The following TRPC6 variants were observed in gnomAD, a reference collection of about 807,000 sequenced individuals.
The protein encoded by TRPC6 is short transient receptor potential channel 6.
TRPC6 carries 55 observed loss-of-function variants against 90.7 expected under a neutral mutation model. The observed-to-expected ratio is 0.61, with a 90% CI of 0.49 to 0.76. TRPC6 has a LOEUF of 0.76. Ranked by LOEUF, TRPC6 falls within the 30% of genes least tolerant of loss-of-function variation. TRPC6 has a pLI of 0.00. For synonymous variants in TRPC6, 393 were observed against 393.0 expected, an observed-to-expected ratio of 1.00 and a Z score of 0.00; for missense variants, 989 against 1,122.7, an observed-to-expected ratio of 0.88 and a Z score of 1.70.
intron 1 of TRPC6, among the ~76,000 whole-genome samples, chr11:101,581,768 G>A (rs1429469673): frequency 1.3e-5 from 2 of 151,954 alleles, no homozygotes; most frequent in African/African-American, 2.4e-5. Context: ...CTATTCAGAG[G>A]GTGGTCCACG....
intron 1 of TRPC6, among the ~76,000 whole-genome samples, chr11:101,575,229 C>T (rs1436816550): frequency 2.0e-5 from 3 of 152,170 alleles, no homozygotes; most frequent in African/African-American, 2.4e-5. Context: ...AAAAGAAAGC[C>T]TTGCCTTTTG....
intron 10 of TRPC6, among the ~76,000 whole-genome samples, chr11:101,461,611 C>T (rs1435455957): frequency 6.6e-6 from 1 of 152,130 alleles, no homozygotes; most frequent in Non-Finnish European, 1.5e-5. Context: ...GAGTTGAATA[C>T]CTTTTGGAGG....
chr11:101,470,447 T>C (rs79606784), intron 9 of TRPC6, among the ~76,000 whole-genome samples: 47 of 152,246 alleles, frequency 3.1e-4, no homozygotes, highest in African/African-American at 1.1e-3. Context: ...CTGGTCCTCC[T>C]CCTCTGGATA....
chr11:101,478,585 T>G (rs1859469621), intron 5 of TRPC6, among the ~76,000 whole-genome samples: 1 of 152,118 alleles, frequency 6.6e-6, no homozygotes, highest in Admixed American at 6.6e-5. Context: ...AGTGAGCTAT[T>G]CTGCTTGAAG....
At chr11:101,488,813 A>T in intron 4 of TRPC6, 124 bp downstream of exon 4, 2 of 1,075,108 alleles carry the variant, frequency 1.9e-6, no homozygotes. Flanking sequence ...TGTAATGTTA[A>T]AAACAATAAA....
chr11:101,549,098 C>T (rs1003185474), intron 1 of TRPC6, among the ~76,000 whole-genome samples: 5 of 151,614 alleles, frequency 3.3e-5, no homozygotes, highest in African/African-American at 1.2e-4. Context: ...GTGAGATGTA[C>T]AGATCAGAAC....
At chr11:101,563,629 TAA>T (rs1861764123) in intron 1 of TRPC6, among the ~76,000 whole-genome samples, 1 of 152,134 alleles carries the variant, frequency 6.6e-6, no homozygotes, top group Non-Finnish European at 1.5e-5. Context: ...TTATAAATTT[TAA>T]AAGTCAGTAT....
chr11:101,491,837 T>G (rs890475703), intron 2 of TRPC6, 99 bp from the exon 3 acceptor site: 3,020 of 84,268 alleles, frequency 0.036, 10 homozygotes, highest in Admixed American at 0.049. Flanking sequence ...AGAAACATTC[T>G]TTTTTTTTTT....
chr11:101,507,572 C>T (rs1860304156), intron 1 of TRPC6, among the ~76,000 whole-genome samples: 1 of 152,086 alleles, frequency 6.6e-6, no homozygotes, highest in Non-Finnish European at 1.5e-5. Flanking sequence ...TTTTAAAGAA[C>T]GTGTACATCT....
At chr11:101,549,936 T>C (rs1446269443) in intron 1 of TRPC6, among the ~76,000 whole-genome samples, 3 of 151,568 alleles carry the variant, frequency 2.0e-5, no homozygotes, top group African/African-American at 4.8e-5. Flanking sequence ...CATACTGAGT[T>C]AGCAGTATAA....
chr11:101,558,898 AT>A (rs1286191947), intron 1 of TRPC6, among the ~76,000 whole-genome samples: 2 of 152,162 alleles, frequency 1.3e-5, no homozygotes, highest in Admixed American at 1.3e-4. Context: ...TAAACATAAG[AT>A]CAAAAACTGT....
intron 1 of TRPC6, among the ~76,000 whole-genome samples, chr11:101,552,325 TG>T (rs1197891555): frequency 2.6e-5 from 4 of 152,082 alleles, no homozygotes; most frequent in Non-Finnish European, 5.9e-5. Context: ...AAACACACAG[TG>T]GCCTATATTT....
intron 10 of TRPC6, among the ~76,000 whole-genome samples, chr11:101,459,404 C>T (rs897414611): frequency 1.3e-5 from 2 of 152,144 alleles, no homozygotes; most frequent in Non-Finnish European, 2.9e-5. Flanking sequence ...AAAAGGCTCT[C>T]TAGATTGTTA....
At chr11:101,469,740 A>G (rs2136666063) in intron 9 of TRPC6, among the ~76,000 whole-genome samples, 1 of 152,316 alleles carries the variant, frequency 6.6e-6, no homozygotes, top group African/African-American at 2.4e-5. Flanking sequence ...AAATAAAGGA[A>G]GGGAAATTTT....
At chr11:101,552,929 T>C (rs972291526) in intron 1 of TRPC6, among the ~76,000 whole-genome samples, 1 of 152,128 alleles carries the variant, frequency 6.6e-6, no homozygotes, top group South Asian at 2.1e-4. Context: ...AGAAATTAAG[T>C]GAAAATATCA....
rs1565243281 is a variant in TRPC6 at position 101,558,274 on chromosome 11, CATGTATATATGTATACATGTATAT to C, written c.170+25036_170+25059del. Among the ~76,000 whole-genome samples, 8 of 122,626 alleles carry C rather than the reference CATGTATATATGTATACATGTATAT, an allele frequency of 6.5e-5. 1 individual carries two copies. The highest frequency in any genetic ancestry group is 1.4e-4 in the Non-Finnish European group (8 of 55,630). 80.4% of individuals were successfully genotyped at this position (122,626 alleles called of 152,430 possible). On this transcript the variant is annotated intron_variant, in intron 1 of 12. Coordinates refer to ENST00000344327, the MANE Select transcript of TRPC6 (RefSeq NM_004621.6). ...ATATGTATACATGTATATGGGTATA[CATGTATATATGTATACATGTATAT>C]GGGTATACATGTATATATGTATACA...
At chr11:101,501,276 A>T (rs1860117014) in intron 2 of TRPC6, among the ~76,000 whole-genome samples, 2 of 151,410 alleles carry the variant, frequency 1.3e-5, no homozygotes, top group Non-Finnish European at 2.9e-5. Context: ...TTAAAAAAAA[A>T]GACTGAAAGG....
intron 11 of TRPC6, 103 bp downstream of exon 11, chr11:101,454,915 T>C: frequency 1.2e-6 from 1 of 853,852 alleles, no homozygotes; most frequent in African/African-American, 1.7e-5. Flanking sequence ...TAATGCATTA[T>C]TTGATATTGA....
intron 4 of TRPC6, 57 bp downstream of exon 4, chr11:101,488,880 T>C (rs538967585): frequency 6.3e-7 from 1 of 1,599,490 alleles, no homozygotes; most frequent in African/African-American, 1.3e-5. Flanking sequence ...ATAAGATTTT[T>C]CCCCACTTAA....
Sources: gnomAD v4.1 joint callset for allele counts (sites outside exome capture counted in the v4.1 genomes callset) on GRCh38, gnomAD v4.1.1 for gene constraint, MANE v1.5 for transcripts, NCBI Gene and HGNC (gene_info 2026-07-23, HGNC 2026-07-21) for gene names.